AHDC1: variants seen among roughly 807,000 people sequenced by gnomAD.
The protein encoded by AHDC1 is AT-hook DNA binding motif containing 1.
In AHDC1, 7 loss-of-function variants were observed where a neutral mutation model predicts 87.9. That is an observed-to-expected ratio of 0.08 (90% CI 0.05 to 0.15). AHDC1 has a LOEUF of 0.15. AHDC1 is among the 10% of genes least tolerant of loss of function. The pLI, the probability that AHDC1 is intolerant of heterozygous loss-of-function variation, is 1.00. For synonymous variants in AHDC1, 1,051 were observed against 1,006.8 expected (o/e 1.04, Z -0.83); for missense variants, 1,841 against 2,253.2 (o/e 0.82, Z 3.70).
chr1:27,602,708 C>T lies in AHDC1; in HGVS notation c.-629+689G>A, dbSNP rs545010853. Among the ~76,000 whole-genome samples the T allele has an allele frequency of 2.0e-5, 3 of 152,232 alleles. No individual in the cohort carries two copies. In the East Asian group the frequency reaches 5.8e-4, roughly 29 times the overall value. On this transcript the variant is annotated intron_variant, in intron 3 of 8. Coordinates refer to ENST00000673934, the MANE Select transcript of AHDC1 (RefSeq NM_001371928.1). ...GCCCCAGAGGAAACGCATTGATAGG[C>T]GATTATTTATTTATTTATGCAAAAG...
chr1:27,597,115 C>G (rs1171401045), intron 3 of AHDC1, among the ~76,000 whole-genome samples: 1 of 152,210 alleles, frequency 6.6e-6, no homozygotes. Context: ...CCTTCTGCCT[C>G]CCCACCTTGC....
intron 3 of AHDC1, among the ~76,000 whole-genome samples, chr1:27,564,838 T>C (rs1024349868): frequency 6.6e-6 from 1 of 151,798 alleles, no homozygotes; most frequent in Non-Finnish European, 1.5e-5. Context: ...CACCCCATCA[T>C]GACCAGCAGC....
At chr1:27,567,429 T>G (rs1316882879) in intron 3 of AHDC1, among the ~76,000 whole-genome samples, 1 of 152,026 alleles carries the variant, frequency 6.6e-6, no homozygotes, top group African/African-American at 2.4e-5. Flanking sequence ...CAGTGTGGTG[T>G]TGTCAAGCGA....
intron 5 of AHDC1, among the ~76,000 whole-genome samples, chr1:27,556,551 A>T (rs2019824723): frequency 6.6e-6 from 1 of 152,054 alleles, no homozygotes; most frequent in Admixed American, 6.5e-5. Context: ...ACACCTGAAT[A>T]TCTTCTTTCA....
At position 27,593,575 on chromosome 1, in the gene AHDC1, G is replaced by C. The variant is rs1557708193; in HGVS notation, c.-629+9822C>G. Reference sequence around the variant, plus strand: ...AGTCCCACAGCCACGGCTCCAGCTGGGGTCAGGCATGCCAGCTGTGCCAGG... The same window carrying C: ...AGTCCCACAGCCACGGCTCCAGCTGCGGTCAGGCATGCCAGCTGTGCCAGG... On this transcript the variant is annotated intron_variant, in intron 3 of 8. Coordinates refer to ENST00000673934, the MANE Select transcript of AHDC1 (RefSeq NM_001371928.1). This position sits in a 1 kb window ranked among gnomAD's most constrained non-coding sequence, Gnocchi z 4.9. 6.6e-6 allele frequency among the ~76,000 whole-genome samples: 1 copy of C among 152,212 alleles called. No individual in the cohort carries two copies. Among genetic ancestry groups the C allele is most frequent in the African/African-American group, 2.4e-5 (1 of 41,446 alleles).
In AHDC1 at chr1:27,595,758, G is replaced by A. The variant is rs571847342; in HGVS notation, c.-629+7639C>T. Among the ~76,000 whole-genome samples, 2 of 151,986 alleles carry A rather than the reference G, an allele frequency of 1.3e-5. No homozygotes were observed. Among genetic ancestry groups the A allele is most frequent in the Non-Finnish European group, 2.9e-5 (2 of 67,990 alleles). ...AGATGTGCCACAGGCTATCGTCCGT[G>A]CATGCACAGGTATGAGGGCTGTAAC... On this transcript the variant is annotated intron_variant, in intron 3 of 8. Transcript: ENST00000673934. The surrounding 1 kb of genome is among the most constrained non-coding windows in gnomAD (Gnocchi z 4.0).
At chr1:27,591,954 G>A (rs952963349) in intron 3 of AHDC1, among the ~76,000 whole-genome samples, 2 of 152,206 alleles carry the variant, frequency 1.3e-5, no homozygotes, top group African/African-American at 2.4e-5. Flanking sequence ...TGGCCAGGGA[G>A]AAGGGGGAAG....
Position 27,550,678 on chromosome 1 carries a change from T to C in AHDC1, c.1438A>G (p.Lys480Glu), listed in dbSNP as rs2019489792. Residue 480 changes from lysine (K) to glutamate (E), a missense_variant, in exon 8 of 9, where the codon AAG becomes GAG. This residue lies in a region of AHDC1 where 27 missense variants were observed against 58.6 expected (regional missense o/e 0.46). Transcript: ENST00000673934. ...CGCCGCCCCAGCGATACGGGGATCT[T>C]GGCCATCTTCACCACCATGCGCCGC... Reference protein sequence around the residue: ...GVRRMVVKMAKIPVSLGRRNK... With the variant: ...GVRRMVVKMAEIPVSLGRRNK... The C allele has an allele frequency of 6.2e-7, 1 of 1,612,908 alleles. No homozygotes were observed. Among genetic ancestry groups the C allele is most frequent in the South Asian group, 1.1e-5 (1 of 90,958 alleles).
At chr1:27,596,505 G>A (rs1167949739) in intron 3 of AHDC1, among the ~76,000 whole-genome samples, 2 of 152,030 alleles carry the variant, frequency 1.3e-5, no homozygotes, top group Admixed American at 1.3e-4. Flanking sequence ...CTTCCAGGCC[G>A]GGGGCCCCTT....
rs1359952977 is a variant in AHDC1 at position 27,550,444 on chromosome 1, G to A, written c.1672C>T (p.Pro558Ser). 6.2e-7 allele frequency: 1 copy of A among 1,608,660 alleles called. No individual in the cohort carries two copies. Among genetic ancestry groups the A allele is most frequent in the African/African-American group, 1.3e-5 (1 of 74,772 alleles). The change falls in exon 8 of 9, where the codon CCC becomes TCC. Residue 558 changes from proline (P) to serine (S), a missense_variant. Physicochemically the swap from Pro to Ser is moderately conservative, Grantham distance 74. This residue lies in a region of AHDC1 where 84 missense variants were observed against 111.7 expected (regional missense o/e 0.75). Transcript: ENST00000673934. ...GRPPKNLLLG[P>S]GKPKEPAVVA... is the part of the protein sequence containing the mutation. ...ACAGCTGGCTCCTTGGGCTTGCCGG[G>A]ACCCAGCAGCAGGTTCTTAGGAGGG...
At chr1:27,600,468 A>C (rs1278932970) in intron 3 of AHDC1, among the ~76,000 whole-genome samples, 1 of 151,968 alleles carries the variant, frequency 6.6e-6, no homozygotes, top group Non-Finnish European at 1.5e-5. Flanking sequence ...AAACCAAAAA[A>C]AAAAAACAAA....
At chr1:27,589,529 C>T (rs1218858279) in intron 3 of AHDC1, among the ~76,000 whole-genome samples, 1 of 152,120 alleles carries the variant, frequency 6.6e-6, no homozygotes, top group Admixed American at 6.5e-5. Flanking sequence ...TGGGTCCATG[C>T]GGCCTTGGTG....
chr1:27,581,211 C>G (rs1257899938), intron 3 of AHDC1, among the ~76,000 whole-genome samples: 1 of 152,054 alleles, frequency 6.6e-6, no homozygotes, highest in African/African-American at 2.4e-5. Flanking sequence ...CTCACTGCAG[C>G]TTCAACCTCC....
rs747152737 is a variant in AHDC1 at position 27,548,637 on chromosome 1, G to A, written c.3479C>T (p.Ser1160Leu). ...GGAGGATGACTCAGAGAAGGTCTCC[G>A]ACACAGCCGTCTGCTGCTTCACCTT... ...PQKVKQQTAV[S>L]ETFSESSSDS... The change falls in exon 8 of 9, where the codon TCG (serine) becomes TTG (leucine). Residue 1160 changes from serine (S) to leucine (L), a missense_variant. Physicochemically the swap from Ser to Leu is moderately radical, Grantham distance 145. This residue lies in a region of AHDC1 where 505 missense variants were observed against 626.2 expected (regional missense o/e 0.81). Coordinates refer to ENST00000673934, the MANE Select transcript of AHDC1 (RefSeq NM_001371928.1). The A allele has an allele frequency of 1.6e-5, 26 of 1,613,422 alleles. No individual in the cohort carries two copies. Among genetic ancestry groups the A allele is most frequent in the East Asian group, 8.9e-5 (4 of 44,876 alleles).
rs752363855 is a variant in AHDC1 at position 27,549,975 on chromosome 1, C to T, written c.2141G>A (p.Gly714Asp). The stretch of plus-strand genomic sequence containing the variant: ...GTGCCCCAACTCAGTAAGGCCCGGG[C>T]CCCCGACCCCAGCGGCTGCCACGGC... ...VVAVAAAGVG[G>D]PGLTELGHPR... The change falls in exon 8 of 9, where the codon GGC (glycine) becomes GAC (aspartate). Residue 714 changes from glycine (G) to aspartate (D), a missense_variant. By Grantham distance (94) the Gly-to-Asp change is moderately conservative. Coordinates refer to ENST00000673934, the MANE Select transcript of AHDC1 (RefSeq NM_001371928.1). The T allele has an allele frequency of 1.9e-6, 3 of 1,603,796 alleles. No homozygotes were observed. Among genetic ancestry groups the T allele is most frequent in the African/African-American group, 2.7e-5 (2 of 74,540 alleles).
At chr1:27,579,045 T>C (rs1194996429) in intron 3 of AHDC1, among the ~76,000 whole-genome samples, 1 of 105,234 alleles carries the variant, frequency 9.5e-6, no homozygotes, top group Non-Finnish European at 1.9e-5. Context: ...GTTCTAAATC[T>C]TTTTTTTTTT....
chr1:27,587,626 T>G lies in AHDC1; in HGVS notation c.-629+15771A>C, dbSNP rs559125711. Among the ~76,000 whole-genome samples the G allele has an allele frequency of 2.6e-5, 4 of 152,270 alleles. No individual in the cohort carries two copies. In the East Asian group the frequency reaches 7.7e-4, roughly 29 times the overall value. On this transcript the variant is annotated intron_variant, in intron 3 of 8. Coordinates refer to ENST00000673934, the MANE Select transcript of AHDC1 (RefSeq NM_001371928.1). ...CTGTCTGTGTGATATGGTTATCAGG[T>G]GAGCTTTCTGTAGACTAAGAAAAGA... is the stretch of plus-strand genomic sequence containing the variant.
rs61787075 is a variant in AHDC1 at position 27,560,962 on chromosome 1, T to C, written c.-628-2079A>G. 1.3e-5 allele frequency among the ~76,000 whole-genome samples: 2 copies of C among 151,772 alleles called. No individual in the cohort carries two copies. Among genetic ancestry groups the C allele is most frequent in the Non-Finnish European group, 2.9e-5 (2 of 67,924 alleles). ...CCCTCTTCCCTCCCTCTCCCTCCCTTCCTCTCTCTCTCTCTCTGTAGGAGC... is the reference window on the plus strand; with the variant it reads ...CCCTCTTCCCTCCCTCTCCCTCCCTCCCTCTCTCTCTCTCTCTGTAGGAGC... On this transcript the variant is annotated intron_variant, in intron 3 of 8. Transcript: ENST00000673934. This position sits in a 1 kb window ranked among gnomAD's most constrained non-coding sequence, Gnocchi z 4.1.
chr1:27,569,178 G>A (rs1486764658), intron 3 of AHDC1, among the ~76,000 whole-genome samples: 2 of 151,864 alleles, frequency 1.3e-5, no homozygotes, highest in South Asian at 2.1e-4. Flanking sequence ...TCCCTCATAT[G>A]GTCTATAGCT....
Sources: allele counts gnomAD v4.1 joint callset (sites outside exome capture counted in the v4.1 genomes callset), GRCh38; gene constraint gnomAD v4.1.1; regional missense constraint gnomAD v4.1.1; non-coding constraint Gnocchi (gnomAD v3.1); transcripts MANE v1.5; gene names NCBI Gene and HGNC (gene_info 2026-07-23, HGNC 2026-07-21).